The following SEMA3A variants were observed in gnomAD, a reference collection of about 807,000 sequenced individuals.
The protein encoded by SEMA3A is semaphorin 3A.
Under a neutral mutation model 97.9 loss-of-function variants are expected in SEMA3A, and 29 were observed. That is an observed-to-expected ratio of 0.30 (90% CI 0.22 to 0.40). SEMA3A has a LOEUF of 0.40. Among genes scored for constraint, SEMA3A ranks in the 10% least tolerant of loss-of-function variants. SEMA3A has a pLI of 1.00. For missense variants in SEMA3A, 763 were observed against 951.3 expected, an observed-to-expected ratio of 0.80 and a Z score of 2.60; for synonymous variants, 321 against 323.7, an observed-to-expected ratio of 0.99 and a Z score of 0.09.
intron 2 of SEMA3A, among the ~76,000 whole-genome samples, chr7:84,132,662 G>GTTTTTTTTTTT (rs55830654): frequency 2.3e-5 from 2 of 86,630 alleles, no homozygotes; most frequent in Non-Finnish European, 4.4e-5. Flanking sequence ...TCGACTTGGT[G>GTTTTTTTTTTT]TTTTTTTTTT....
chr7:84,434,509 C>A (rs1189000429), intron 1 of SEMA3A, among the ~76,000 whole-genome samples: 2 of 152,094 alleles, frequency 1.3e-5, no homozygotes, highest in African/African-American at 4.8e-5. Flanking sequence ...CTAACTTATT[C>A]TAGTAAGCCA....
chr7:84,103,768 A>G (rs1369421505), intron 4 of SEMA3A, among the ~76,000 whole-genome samples: 1 of 152,182 alleles, frequency 6.6e-6, no homozygotes, highest in East Asian at 1.9e-4. Flanking sequence ...ACTAGAGTCG[A>G]GAGGTAAAAG....
At chr7:84,039,075 C>CCA (rs1792041177) in intron 6 of SEMA3A, among the ~76,000 whole-genome samples, 1 of 152,018 alleles carries the variant, frequency 6.6e-6, no homozygotes, top group Non-Finnish European at 1.5e-5. Flanking sequence ...TATCAATTTA[C>CCA]TAAATATGTA....
At chr7:84,382,139 G>A (rs746846499) in intron 1 of SEMA3A, among the ~76,000 whole-genome samples, 3 of 151,924 alleles carry the variant, frequency 2.0e-5, no homozygotes, top group African/African-American at 4.8e-5. Context: ...ATGGAGTCTC[G>A]CTCTGTCGCC....
At chr7:84,174,237 A>G (rs1457885460) in intron 1 of SEMA3A, among the ~76,000 whole-genome samples, 1 of 152,156 alleles carries the variant, frequency 6.6e-6, no homozygotes. Flanking sequence ...TCTGTGGACA[A>G]ATTATCTTCC....
chr7:84,212,283 T>C (rs924840933), intron 3 of SEMA3A, among the ~76,000 whole-genome samples: 7 of 152,214 alleles, frequency 4.6e-5, no homozygotes, highest in African/African-American at 1.7e-4. Context: ...GAATTCACAA[T>C]GAAAGTGAAA....
At chr7:83,992,948 A>C (rs567077186) in intron 12 of SEMA3A, among the ~76,000 whole-genome samples, 1 of 82,984 alleles carries the variant, frequency 1.2e-5, no homozygotes, top group Non-Finnish European at 2.6e-5. Context: ...AATGTGTGGG[A>C]GTCTAAGTCT....
At chr7:84,473,979 T>A (rs1291719438) in intron 1 of SEMA3A, among the ~76,000 whole-genome samples, 2 of 152,170 alleles carry the variant, frequency 1.3e-5, no homozygotes, top group Non-Finnish European at 2.9e-5. Flanking sequence ...AAGATCTGAA[T>A]CAGTTCCAAA....
chr7:84,192,702 C>A (rs549337059), intron 1 of SEMA3A, among the ~76,000 whole-genome samples: 33 of 151,790 alleles, frequency 2.2e-4, no homozygotes, highest in African/African-American at 7.5e-4. Flanking sequence ...AAATAAAATT[C>A]TTGCAAAATA....
intron 4 of SEMA3A, among the ~76,000 whole-genome samples, chr7:84,108,521 T>C (rs1795180319): frequency 6.6e-6 from 1 of 152,134 alleles, no homozygotes; most frequent in Non-Finnish European, 1.5e-5. Context: ...AAATAATATT[T>C]CCAGTGCTCC....
chr7:84,083,295 AT>A (rs1343316134), intron 4 of SEMA3A, among the ~76,000 whole-genome samples: 2 of 151,590 alleles, frequency 1.3e-5, no homozygotes, highest in African/African-American at 2.4e-5. Flanking sequence ...TTTCTTTTTT[AT>A]TTTTTTCTTT....
At chr7:84,120,457 G>A (rs923702259) in intron 3 of SEMA3A, among the ~76,000 whole-genome samples, 5 of 152,166 alleles carry the variant, frequency 3.3e-5, no homozygotes, top group African/African-American at 4.8e-5. Flanking sequence ...CTCTCCATAA[G>A]TGTTGGATAT....
At chr7:84,127,951 CAT>C (rs982770210) in intron 3 of SEMA3A, among the ~76,000 whole-genome samples, 1 of 151,982 alleles carries the variant, frequency 6.6e-6, no homozygotes, top group Non-Finnish European at 1.5e-5. Context: ...ATCAGTTAAA[CAT>C]AAAATTATAT....
chr7:84,082,732 T>G (rs1309956969), intron 4 of SEMA3A, among the ~76,000 whole-genome samples: 2 of 152,062 alleles, frequency 1.3e-5, no homozygotes, highest in Non-Finnish European at 2.9e-5. Context: ...TATTAGCTTT[T>G]GAGTTCAAAT....
intron 2 of SEMA3A, among the ~76,000 whole-genome samples, chr7:84,343,358 T>C (rs1802218738): frequency 6.6e-6 from 1 of 152,202 alleles, no homozygotes; most frequent in Non-Finnish European, 1.5e-5. Flanking sequence ...ATAGGGTGAT[T>C]ATAATCCAAT....
intron 11 of SEMA3A, 111 bp from the exon 12 acceptor site, chr7:84,002,157 CCTTTT>C (rs1790482292): frequency 5.1e-6 from 3 of 591,328 alleles, no homozygotes; most frequent in Non-Finnish European, 8.8e-6. Context: ...TATCGGTCTT[CCTTTT>C]AATTCATTTT....
chr7:84,298,191 C>G (rs1800915669), intron 3 of SEMA3A, among the ~76,000 whole-genome samples: 1 of 152,012 alleles, frequency 6.6e-6, no homozygotes, highest in African/African-American at 2.4e-5. Context: ...GCCTATCAAA[C>G]CTACGGAAAC....
rs576249089 is a variant in SEMA3A at position 84,061,495 on chromosome 7, G to C, written c.454-937C>G. Among the ~76,000 whole-genome samples the C allele has an allele frequency of 2.0e-5, 3 of 152,240 alleles. No individual in the cohort carries two copies. The East Asian group carries it at 5.8e-4, about 29-fold the overall frequency. On this transcript the variant is annotated intron_variant, in intron 4 of 16. Coordinates refer to ENST00000265362, the MANE Select transcript of SEMA3A (RefSeq NM_006080.3). ...AACCAAGTGCCCTGGGAATTAATTA[G>C]ATAAGAATATGTATGCTTTTTCCAG...
chr7:84,357,127 TA>T, intron 2 of SEMA3A, among the ~76,000 whole-genome samples: 1 of 150,912 alleles, frequency 6.6e-6, no homozygotes, highest in African/African-American at 2.4e-5. Flanking sequence ...TTTTCTTTTA[TA>T]TATATATATT....
Sources: gnomAD v4.1 joint callset for allele counts (sites outside exome capture counted in the v4.1 genomes callset) on GRCh38, gnomAD v4.1.1 for gene constraint, MANE v1.5 for transcripts, NCBI Gene and HGNC (gene_info 2026-07-23, HGNC 2026-07-21) for gene names.